Variants in ENAH observed in about 807,000 individuals in gnomAD.
The protein encoded by ENAH is protein enabled homolog.
In ENAH, 23 loss-of-function variants were observed where a neutral mutation model predicts 78.7. That is an observed-to-expected ratio of 0.29 (90% CI 0.21 to 0.41). The LOEUF is 0.41. ENAH is among the 10% of genes least tolerant of loss of function. The pLI is 1.00. For missense variants in ENAH, 544 were observed against 691.0 expected, an observed-to-expected ratio of 0.79 and a Z score of 2.39; for synonymous variants, 226 against 241.0, an observed-to-expected ratio of 0.94 and a Z score of 0.58.
In ENAH at chr1:225,519,316, T is replaced by C. The variant is rs2096447287; in HGVS notation, c.684A>G (p.Glu228=). ...RQERLDRERQ[E]RQERERLERL... Reference sequence around the variant, plus strand: ...TCTCCAGCCTCTCTCGTTCTTGTCTTTCTTGCCTCTCCCGATCCAGGCGTT... The same window carrying C: ...TCTCCAGCCTCTCTCGTTCTTGTCTCTCTTGCCTCTCCCGATCCAGGCGTT... The change falls in exon 5 of 14, where the codon GAA becomes GAG. Residue 228 remains glutamate, a synonymous_variant. Coordinates refer to ENST00000366843, the MANE Select transcript of ENAH (RefSeq NM_018212.6). 6.2e-7 allele frequency: 1 copy of C among 1,610,096 alleles called. No individual in the cohort carries two copies. The highest frequency in any genetic ancestry group is 8.5e-7 in the Non-Finnish European group (1 of 1,178,628).
At chr1:225,523,003 G>A (rs1411902485) in intron 4 of ENAH, among the ~76,000 whole-genome samples, 2 of 151,732 alleles carry the variant, frequency 1.3e-5, no homozygotes, top group South Asian at 2.1e-4. Flanking sequence ...CCTCCCACCC[G>A]TTTCCTACTC....
chr1:225,575,889 G>C (rs1048939699), intron 1 of ENAH, among the ~76,000 whole-genome samples: 1 of 152,144 alleles, frequency 6.6e-6, no homozygotes, highest in African/African-American at 2.4e-5. Context: ...TGTAAACTTG[G>C]AGTAAGAGCC....
rs78529288 is a variant in ENAH, at chr1:225,580,912, CA to C, written c.6-13499del. Among the ~76,000 whole-genome samples the C allele has an allele frequency of 7.7e-3, 493 of 63,924 alleles. 1 individual carries two copies. Among genetic ancestry groups the C allele is most frequent in the Middle Eastern group, 0.011 (1 of 88 alleles). The allele number at this position is 63,924 out of a possible 152,430, so 41.9% of individuals were successfully genotyped here. ...CGAGACTCTGTCTCAAGAAAAAAAC[CA>C]AAAAAAAAAAAAAAAAAAGCCAAGA... On this transcript the variant is annotated intron_variant, in intron 1 of 13. Transcript: ENST00000366843.
At chr1:225,572,851 T>C (rs1346446994) in intron 1 of ENAH, among the ~76,000 whole-genome samples, 1 of 152,212 alleles carries the variant, frequency 6.6e-6, no homozygotes, top group East Asian at 1.9e-4. Flanking sequence ...TTGGTATATA[T>C]AGTTAATTAT....
At chr1:225,631,812 TG>T (rs1169819466) in intron 1 of ENAH, among the ~76,000 whole-genome samples, 3 of 152,200 alleles carry the variant, frequency 2.0e-5, no homozygotes, top group South Asian at 4.1e-4. Context: ...TGTTTTGTTT[TG>T]TTTTTTTAAT....
chr1:225,527,359 T>C (rs993290531), intron 4 of ENAH, among the ~76,000 whole-genome samples: 1 of 152,192 alleles, frequency 6.6e-6, no homozygotes, highest in Non-Finnish European at 1.5e-5. Flanking sequence ...AATAACCACA[T>C]GAAATAAATT....
At chr1:225,576,039 T>C (rs894549388) in intron 1 of ENAH, among the ~76,000 whole-genome samples, 3 of 152,154 alleles carry the variant, frequency 2.0e-5, no homozygotes, top group African/African-American at 7.2e-5. Flanking sequence ...CACTCTGCAC[T>C]GTTCTGCTCC....
At chr1:225,576,429 T>C (rs1213777503) in intron 1 of ENAH, among the ~76,000 whole-genome samples, 1 of 152,166 alleles carries the variant, frequency 6.6e-6, no homozygotes, top group Non-Finnish European at 1.5e-5. Context: ...TTAAATGTTT[T>C]GAAAAGTCTT....
chr1:225,608,815 CAAAAAAAAA>C (rs928281132), intron 1 of ENAH, among the ~76,000 whole-genome samples: 4 of 20,660 alleles, frequency 1.9e-4, no homozygotes, highest in Non-Finnish European at 2.8e-4. Flanking sequence ...GACTCTGTCT[CAAAAAAAAA>C]AAAAAAAAAA....
chr1:225,642,293 G>A (rs1331531332), intron 1 of ENAH, among the ~76,000 whole-genome samples: 2 of 151,810 alleles, frequency 1.3e-5, no homozygotes, highest in African/African-American at 4.8e-5. Context: ...CTGTCCTTGT[G>A]TAATCACCTC....
rs2096206681 is a variant in ENAH at position 225,487,926 on chromosome 1, T to G, written c.*9849A>C. The G allele has an allele frequency of 6.6e-6, 1 of 152,078 alleles. No individual in the cohort carries two copies. Among genetic ancestry groups the G allele is most frequent in the South Asian group, 2.1e-4 (1 of 4,828 alleles). 9.4% of individuals were successfully genotyped at this position (152,078 alleles called of 1,614,324 possible). A position where few individuals can be genotyped will look rare whatever the true frequency, so the allele number is the denominator to read the frequency against. The stretch of plus-strand genomic sequence containing the variant: ...TGTTCTACTATATACTTTTGGTCTA[T>G]CAACTTGGTAGGCCTGAAAAAAAAA... On this transcript the variant is annotated 3_prime_UTR_variant, in exon 14 of 14. Coordinates refer to ENST00000366843, the MANE Select transcript of ENAH (RefSeq NM_018212.6).
At chr1:225,526,082 C>A (rs146035776) in intron 4 of ENAH, among the ~76,000 whole-genome samples, 9 of 152,102 alleles carry the variant, frequency 5.9e-5, no homozygotes, top group South Asian at 2.1e-4. Flanking sequence ...AAAAAGTTTG[C>A]GGACCTTTGA....
At chr1:225,621,099 G>A (rs368771573) in intron 1 of ENAH, among the ~76,000 whole-genome samples, 4 of 152,052 alleles carry the variant, frequency 2.6e-5, no homozygotes, top group East Asian at 1.9e-4. Flanking sequence ...AATGTGTCCC[G>A]AATTAAAACA....
intron 1 of ENAH, among the ~76,000 whole-genome samples, chr1:225,648,399 C>T (rs1200462169): frequency 6.6e-6 from 1 of 152,180 alleles, no homozygotes; most frequent in Non-Finnish European, 1.5e-5. Context: ...AAAACCTATT[C>T]AGTATGTAAT....
At chr1:225,646,884 A>G (rs1223014963) in intron 1 of ENAH, among the ~76,000 whole-genome samples, 1 of 152,226 alleles carries the variant, frequency 6.6e-6, no homozygotes, top group Non-Finnish European at 1.5e-5. Context: ...ATACTTCAAG[A>G]GTATCATACA....
At chr1:225,591,549 G>A (rs566545339) in intron 1 of ENAH, among the ~76,000 whole-genome samples, 4 of 150,498 alleles carry the variant, frequency 2.7e-5, no homozygotes, top group Non-Finnish European at 4.4e-5. Context: ...GGCGGATCAC[G>A]AGGTCAGGAG....
At chr1:225,565,625 T>C (rs2151499935) in intron 2 of ENAH, among the ~76,000 whole-genome samples, 1 of 152,310 alleles carries the variant, frequency 6.6e-6, no homozygotes, top group East Asian at 1.9e-4. Context: ...TACAAAATTT[T>C]AATTGTCCAG....
intron 3 of ENAH, among the ~76,000 whole-genome samples, chr1:225,551,336 A>C (rs1196762018): frequency 6.6e-6 from 1 of 152,202 alleles, no homozygotes; most frequent in African/African-American, 2.4e-5. Flanking sequence ...TTTCATTAAA[A>C]AAAGGAAATA....
At position 225,496,766 on chromosome 1, in the gene ENAH, C is replaced by T. The variant is rs932907446; in HGVS notation, c.*1009G>A. The T allele has an allele frequency of 6.6e-6, 1 of 152,614 alleles. No homozygotes were observed. The highest frequency in any genetic ancestry group is 2.4e-5 in the African/African-American group (1 of 41,444). 9.5% of individuals were successfully genotyped at this position (152,614 alleles called of 1,614,324 possible). On this transcript the variant is annotated 3_prime_UTR_variant, in exon 14 of 14. Coordinates refer to ENST00000366843, the MANE Select transcript of ENAH (RefSeq NM_018212.6). ...GCAGGTAACTGAGAAAAAGATAGTG[C>T]AGAAATCAACTTTAAATAAAAAATT...
Sources: gnomAD v4.1 joint callset for allele counts (sites outside exome capture counted in the v4.1 genomes callset) on GRCh38, gnomAD v4.1.1 for gene constraint, MANE v1.5 for transcripts, NCBI Gene and HGNC (gene_info 2026-07-23, HGNC 2026-07-21) for gene names.